The following SYN2 variants were observed in gnomAD, a reference collection of about 807,000 sequenced individuals.
The protein encoded by SYN2 is synapsin II, also known as synapsin-2.
A neutral mutation model predicts 50.9 loss-of-function variants in SYN2; 19 were observed. That is an observed-to-expected ratio of 0.37 (90% CI 0.26 to 0.55). SYN2 has a LOEUF of 0.55. Ranked by LOEUF, SYN2 falls within the 20% of genes least tolerant of loss-of-function variation. The pLI, the probability that SYN2 is intolerant of heterozygous loss-of-function variation, is 0.81. For synonymous variants in SYN2, 255 were observed against 224.9 expected (o/e 1.13, Z -1.20); for missense variants, 587 against 576.4 (o/e 1.02, Z -0.19).
chr3:12,028,021 T>TCCCCCC (rs376765836), intron 1 of SYN2, among the ~76,000 whole-genome samples: 3 of 62,046 alleles, frequency 4.8e-5, no homozygotes, highest in Admixed American at 2.0e-4. Context: ...ATTTTTTCTT[T>TCCCCCC]CCCTCCCCCC....
chr3:12,009,609 T>G (rs1255294673), intron 1 of SYN2, among the ~76,000 whole-genome samples: 1 of 152,248 alleles, frequency 6.6e-6, no homozygotes, highest in African/African-American at 2.4e-5. Flanking sequence ...AGTCGCTCTT[T>G]GAGATTTCTC....
rs185688683 is a variant in SYN2 at position 12,069,542 on chromosome 3, C to T, written c.377+64614C>T. On this transcript the variant is annotated intron_variant, in intron 1 of 12. Transcript: ENST00000621198. The stretch of plus-strand genomic sequence containing the variant: ...GATTACAGGTGTGAGCCACTGCGCC[C>T]GGCCGTGGACACATGTGTTTTAAAC... Among the ~76,000 whole-genome samples the T allele has an allele frequency of 6.7e-3, 1,013 of 151,936 alleles. 7 individuals are homozygous for T. The highest frequency in any genetic ancestry group is 0.023 in the African/African-American group (961 of 41,454).
chr3:12,119,182 T>G (rs1206505167), intron 1 of SYN2, among the ~76,000 whole-genome samples: 1 of 152,180 alleles, frequency 6.6e-6, no homozygotes, highest in Non-Finnish European at 1.5e-5. Flanking sequence ...GAAGCAGGCT[T>G]CTTTTCTGCC....
chr3:12,184,312 G>A, intron 11 of SYN2: 1 of 985,846 alleles, frequency 1.0e-6, no homozygotes, highest in Non-Finnish European at 1.2e-6. Context: ...TGCTGTTTCT[G>A]GATCCAGCCA....
intron 1 of SYN2, among the ~76,000 whole-genome samples, chr3:12,049,939 TTTTGTTTTG>T (rs1286723341): frequency 6.6e-6 from 1 of 152,020 alleles, no homozygotes; most frequent in East Asian, 1.9e-4. Context: ...TTTGTTTTCT[TTTTGTTTTG>T]TTTGTTTTTG....
At position 12,145,750 on chromosome 3, in the gene SYN2, A is replaced by C. The variant is rs1697134065; in HGVS notation, c.599A>C (p.His200Pro). Residue 200 changes from histidine (H) to proline (P), a missense_variant, in exon 4 of 13, where the codon CAC (histidine) becomes CCC (proline). Transcript: ENST00000621198. ...FGMAENEDFR[H>P]LIIGMQYAGL... is the part of the protein sequence containing the mutation. ...ATGGCGGAGAATGAGGACTTCCGCC[A>C]CCTGATCATTGGTATGCAGTATGCA... 3.1e-6 allele frequency: 5 copies of C among 1,613,884 alleles called. No homozygotes were observed. Among genetic ancestry groups the C allele is most frequent in the Non-Finnish European group, 3.4e-6 (4 of 1,179,886 alleles).
chr3:12,098,201 T>C (rs1258267210), intron 1 of SYN2, among the ~76,000 whole-genome samples: 10 of 152,106 alleles, frequency 6.6e-5, no homozygotes, highest in Admixed American at 6.5e-4. Flanking sequence ...TCAGAAACCA[T>C]GGAGACCAGA....
intron 11 of SYN2, chr3:12,185,571 C>G (rs1016939465): frequency 1.0e-6 from 1 of 985,790 alleles, no homozygotes; most frequent in Non-Finnish European, 1.2e-6. Flanking sequence ...GATTGCCATT[C>G]AGGTGTTTTG....
At chr3:12,060,263 G>A (rs149502564) in intron 1 of SYN2, among the ~76,000 whole-genome samples, 51 of 152,280 alleles carry the variant, frequency 3.3e-4, no homozygotes, top group African/African-American at 1.2e-3. Context: ...TTTGTACAGT[G>A]TAGAGCCAAG....
Position 12,190,819 on chromosome 3 carries a change from G to C in SYN2, c.*194G>C. ...CAGTCTCAGGGCAGGTGCCTACCCA[G>C]CAAGGGGTACCTGGCATCAGAGAGG... On this transcript the variant is annotated 3_prime_UTR_variant, in exon 13 of 13. Transcript: ENST00000621198. 2.2e-6 allele frequency: 3 copies of C among 1,349,410 alleles called. No individual in the cohort carries two copies. Among genetic ancestry groups the C allele is most frequent in the Non-Finnish European group, 2.8e-6 (3 of 1,057,724 alleles). 83.6% of individuals were successfully genotyped at this position (1,349,410 alleles called of 1,614,324 possible).
chr3:12,165,981 C>T (rs1427104470), intron 7 of SYN2, among the ~76,000 whole-genome samples: 1 of 152,126 alleles, frequency 6.6e-6, no homozygotes, highest in African/African-American at 2.4e-5. Context: ...CTGAGTCTTA[C>T]TCTTATCTGT....
At chr3:12,157,265 G>A (rs1289962547) in intron 5 of SYN2, 3 of 880,328 alleles carry the variant, frequency 3.4e-6, no homozygotes, top group African/African-American at 1.7e-5. Flanking sequence ...TTCCACTTCA[G>A]TATCTAGACC....
chr3:12,092,080 TA>T (rs1224593074), intron 1 of SYN2, among the ~76,000 whole-genome samples: 1 of 151,836 alleles, frequency 6.6e-6, no homozygotes, highest in African/African-American at 2.4e-5. Flanking sequence ...TTCATTTTTT[TA>T]AAAAAGTGTG....
chr3:12,165,926 C>T (rs1025270608), intron 7 of SYN2, among the ~76,000 whole-genome samples: 14 of 151,058 alleles, frequency 9.3e-5, no homozygotes, highest in African/African-American at 3.4e-4. Context: ...TATCTCATAC[C>T]TGTTTGGACT....
chr3:12,187,642 C>G, intron 12 of SYN2, 30 bp downstream of exon 12: 3 of 1,517,788 alleles, frequency 2.0e-6, no homozygotes, highest in Non-Finnish European at 2.7e-6. Flanking sequence ...CTCCTCCCTC[C>G]CCTCCTCCTA....
chr3:12,145,938 AG>A, intron 4 of SYN2, 103 bp downstream of exon 4: 1 of 1,517,902 alleles, frequency 6.6e-7, no homozygotes. Context: ...CAGCCCCAGG[AG>A]GGTCCCTACA....
intron 4 of SYN2, among the ~76,000 whole-genome samples, chr3:12,150,294 G>A (rs1337058445): frequency 6.6e-6 from 1 of 152,222 alleles, no homozygotes; most frequent in Non-Finnish European, 1.5e-5. Context: ...GTGTAGGTGT[G>A]TATGTGACTG....
At chr3:12,035,466 G>A (rs1203923533) in intron 1 of SYN2, among the ~76,000 whole-genome samples, 2 of 152,218 alleles carry the variant, frequency 1.3e-5, no homozygotes, top group Non-Finnish European at 2.9e-5. Flanking sequence ...AGAAGGTGAG[G>A]CATTTATTGC....
intron 1 of SYN2, among the ~76,000 whole-genome samples, chr3:12,062,098 A>G (rs78478178): frequency 0.048 from 7,258 of 152,112 alleles, 244 homozygotes; most frequent in East Asian, 0.14. Flanking sequence ...TGAAGGATTC[A>G]CACAACTTGA....
Sources: gnomAD v4.1 joint callset for allele counts (sites outside exome capture counted in the v4.1 genomes callset) on GRCh38, gnomAD v4.1.1 for gene constraint, MANE v1.5 for transcripts, NCBI Gene and HGNC (gene_info 2026-07-23, HGNC 2026-07-21) for gene names.